Variants in LYST observed in about 807,000 individuals in gnomAD.
The protein encoded by LYST is lysosomal-trafficking regulator.
A neutral mutation model predicts 413.6 loss-of-function variants in LYST; 192 were observed. That is an observed-to-expected ratio of 0.46 (90% CI 0.41 to 0.52). LYST has a LOEUF of 0.52. Ranked by LOEUF, LYST falls within the 20% of genes least tolerant of loss-of-function variation. The probability of loss-of-function intolerance (pLI) is 0.00; values close to 1 mark genes in which losing one functional copy is unlikely to be tolerated. For synonymous variants in LYST, 1,525 were observed against 1,567.3 expected, an observed-to-expected ratio of 0.97 and a Z score of 0.64; for missense variants, 3,815 against 4,499.9, an observed-to-expected ratio of 0.85 and a Z score of 4.35.
chr1:235,834,394 T>C (rs1676319658), intron 1 of LYST, among the ~76,000 whole-genome samples: 1 of 152,136 alleles, frequency 6.6e-6, no homozygotes, highest in African/African-American at 2.4e-5. Flanking sequence ...AGATTGATTT[T>C]TAAAATTATT....
chr1:235,757,533 A>G (rs1667157378), intron 23 of LYST, 75 bp from the exon 24 acceptor site: 4 of 1,070,412 alleles, frequency 3.7e-6, no homozygotes, highest in Non-Finnish European at 5.8e-6. Context: ...AACTGTGACA[A>G]GTAGTAGCAT....
At chr1:235,693,265 A>G (rs574040792) in intron 47 of LYST, 85 bp downstream of exon 47, 74 of 1,030,498 alleles carry the variant, frequency 7.2e-5, no homozygotes, top group African/African-American at 2.5e-4. Context: ...GCAGTGAGCC[A>G]AGATGTGTCA....
chr1:235,828,014 G>T, intron 3 of LYST: 1 of 418,072 alleles, frequency 2.4e-6, no homozygotes, highest in Non-Finnish European at 3.2e-6. Context: ...ATAAGCAAAT[G>T]AAAAAATGCT....
At position 235,790,488 on chromosome 1, in the gene LYST, T is replaced by G. The variant is rs185824403; in HGVS notation, c.4543+1211A>C. On this transcript the variant is annotated intron_variant, in intron 12 of 52. Coordinates refer to ENST00000389793, the MANE Select transcript of LYST (RefSeq NM_000081.4). ...ATAGCATAATAAATATTATCACATG[T>G]AGAGCTATCAGTTCTTAGGTGGCAA... is the stretch of plus-strand genomic sequence containing the variant. 4.6e-5 allele frequency among the ~76,000 whole-genome samples: 7 copies of G among 152,342 alleles called. No homozygotes were observed. In the East Asian group the frequency reaches 1.3e-3, roughly 29 times the overall value.
intron 41 of LYST, among the ~76,000 whole-genome samples, chr1:235,716,479 C>T (rs1662845618): frequency 6.6e-6 from 1 of 152,172 alleles, no homozygotes; most frequent in Non-Finnish European, 1.5e-5. Flanking sequence ...CAATGAGTTA[C>T]TGGCTTTCAA....
Position 235,677,467 on chromosome 1 carries a change from CCTT to C in LYST, c.10940+10_10940+12del, listed in dbSNP as rs1659473887. 1 of 1,613,132 alleles carries C rather than the reference CCTT, an allele frequency of 6.2e-7. No individual in the cohort carries two copies. On this transcript the variant is annotated intron_variant, in intron 49 of 52. Transcript: ENST00000389793. Reference sequence around the variant, plus strand: ...AAAAATGCTATGTTTGATTTGGAGACCTTCTTCTGTACCTGTTTAAATCCCATA... The same window carrying C: ...AAAAATGCTATGTTTGATTTGGAGACCTTCTGTACCTGTTTAAATCCCATA...
At chr1:235,826,209 T>C (rs1279108559) in intron 3 of LYST, among the ~76,000 whole-genome samples, 1 of 152,210 alleles carries the variant, frequency 6.6e-6, no homozygotes, top group African/African-American at 2.4e-5. Flanking sequence ...TACAACTACT[T>C]TGCAAAACAG....
chr1:235,867,189 T>A (rs927666156), upstream of LYST, among the ~76,000 whole-genome samples: 1 of 151,892 alleles, frequency 6.6e-6, no homozygotes, highest in Admixed American at 6.5e-5. Flanking sequence ...CGGTCGGGGG[T>A]CGTACCCTGG....
At chr1:235,786,161 A>G (rs961184042) in intron 14 of LYST, among the ~76,000 whole-genome samples, 2 of 152,226 alleles carry the variant, frequency 1.3e-5, no homozygotes, top group African/African-American at 4.8e-5. Context: ...ATAGTTATAC[A>G]TAAATGTCTA....
rs1011130300 is a variant in LYST at position 235,766,009 on chromosome 1, T to C, written c.6121+70A>G. 15 of 1,168,536 alleles carry C rather than the reference T, an allele frequency of 1.3e-5. No individual in the cohort carries two copies. In the South Asian group the frequency reaches 1.6e-4, roughly 12 times the overall value. 72.4% of individuals were successfully genotyped at this position (1,168,536 alleles called of 1,614,324 possible). On this transcript the variant is annotated intron_variant, in intron 21 of 52. Transcript: ENST00000389793. ...AGAGGCCATTCAAATGTCAAACAAA[T>C]GTGAATCAAGTGGGAAGAATAAAAC...
chr1:235,701,049 A>G (rs1370803995), intron 45 of LYST, among the ~76,000 whole-genome samples: 1 of 152,154 alleles, frequency 6.6e-6, no homozygotes, highest in Non-Finnish European at 1.5e-5. Flanking sequence ...AAGCATTTAA[A>G]TGGGGGTCAG....
chr1:235,810,599 A>G (rs919305454), intron 4 of LYST, 65 bp from the exon 5 acceptor site: 29 of 1,405,592 alleles, frequency 2.1e-5, no homozygotes, highest in Non-Finnish European at 2.5e-5. Flanking sequence ...TTTTAAGGTG[A>G]CAGCCCTCTT....
intron 1 of LYST, among the ~76,000 whole-genome samples, chr1:235,881,064 C>G (rs1004166800): frequency 1.2e-4 from 19 of 152,152 alleles, no homozygotes; most frequent in Non-Finnish European, 2.5e-4. Context: ...AAGTGACTTG[C>G]TGTACGTGAT....
chr1:235,664,662 C>T lies in LYST; in HGVS notation c.11039-41G>A, dbSNP rs773765265. 1.4e-5 allele frequency: 23 copies of T among 1,609,812 alleles called. No individual in the cohort carries two copies. The highest frequency in any genetic ancestry group is 2.0e-5 in the Non-Finnish European group (23 of 1,176,586). On this transcript the variant is annotated intron_variant, in intron 50 of 52. Transcript: ENST00000389793. This position sits in a 1 kb window ranked among gnomAD's most constrained non-coding sequence, Gnocchi z 4.5. Reference sequence around the variant, plus strand: ...CATCCGGCGGGTTACCAGAATGTGGCTGTCTCAGAGCCCACATTTGGCCCC... The same window carrying T: ...CATCCGGCGGGTTACCAGAATGTGGTTGTCTCAGAGCCCACATTTGGCCCC...
chr1:235,763,782 C>T (rs1209549969), intron 21 of LYST, among the ~76,000 whole-genome samples: 2 of 152,006 alleles, frequency 1.3e-5, no homozygotes, highest in African/African-American at 2.4e-5. Context: ...GTTTCTTGAC[C>T]TCTTCTCTTC....
rs1189821837 is a variant in LYST at position 235,759,703 on chromosome 1, C to T, written c.6254-104G>A. On this transcript the variant is annotated intron_variant, in intron 22 of 52. Coordinates refer to ENST00000389793, the MANE Select transcript of LYST (RefSeq NM_000081.4). ...CCACAGCAAAAGCCCATTTATCTAG[C>T]ACTGTTAAAATCCATATAGGTTAAT... The T allele has an allele frequency of 1.5e-5, 12 of 826,006 alleles. No individual in the cohort carries two copies. In the South Asian group the frequency reaches 1.7e-4, roughly 12 times the overall value. The allele number at this position is 826,006 out of a possible 1,614,324, so 51.2% of individuals were successfully genotyped here. A position where few individuals can be genotyped will look rare whatever the true frequency, so the allele number is the denominator to read the frequency against.
intron 3 of LYST, among the ~76,000 whole-genome samples, chr1:235,815,138 G>C (rs995058742): frequency 1.3e-5 from 2 of 152,136 alleles, no homozygotes; most frequent in Non-Finnish European, 2.9e-5. Flanking sequence ...ACACCCTGCT[G>C]AAGTGTTACT....
chr1:235,777,018 G>A, intron 17 of LYST, 45 bp downstream of exon 17: 1 of 1,558,800 alleles, frequency 6.4e-7, no homozygotes, highest in South Asian at 1.1e-5. Flanking sequence ...TCAATAATAA[G>A]TAAGTCATTT....
intron 42 of LYST, 58 bp downstream of exon 42, chr1:235,715,131 AGTTGTTGTTGTT>A: frequency 8.5e-7 from 1 of 1,176,630 alleles, no homozygotes; most frequent in Non-Finnish European, 1.3e-6. Flanking sequence ...GTCAGTCCTA[AGTTGTTGTTGTT>A]GTTGTTGTTG....
Sources: allele counts gnomAD v4.1 joint callset (sites outside exome capture counted in the v4.1 genomes callset), GRCh38; gene constraint gnomAD v4.1.1; non-coding constraint Gnocchi (gnomAD v3.1); transcripts MANE v1.5; gene names NCBI Gene and HGNC (gene_info 2026-07-23, HGNC 2026-07-21).